NXPE2: variants seen among roughly 807,000 people sequenced by gnomAD.
NXPE2 encodes the protein neurexophilin and PC-esterase domain family member 2.
Under a neutral mutation model 34.4 loss-of-function variants are expected in NXPE2, and 34 were observed. The ratio of observed to expected loss-of-function variants is 0.99; its 90% confidence interval spans 0.75 to 1.31. The LOEUF (loss-of-function observed/expected upper bound fraction) is 1.31, where lower values mean the gene tolerates loss of function less well. Ranked by LOEUF, NXPE2 falls within the 40% of genes most tolerant of loss-of-function variation. The probability of loss-of-function intolerance (pLI) is 0.00; values close to 1 mark genes in which losing one functional copy is unlikely to be tolerated. For missense variants in NXPE2, 649 were observed against 672.5 expected, an observed-to-expected ratio of 0.97 and a Z score of 0.39; for synonymous variants, 235 against 231.3, an observed-to-expected ratio of 1.02 and a Z score of -0.15.
At chr11:114,786,357 C>CG in the NXPE2 span, among the ~76,000 whole-genome samples, 2 of 125,336 alleles carry the variant, frequency 1.6e-5, no homozygotes, top group African/African-American at 5.9e-5. Context: ...ATCTTTCTAC[C>CG]CCCGCCCCCC....
chr11:114,566,782 A>G, the NXPE2 span, among the ~76,000 whole-genome samples: 1 of 152,120 alleles, frequency 6.6e-6, no homozygotes, highest in African/African-American at 2.4e-5. Context: ...ACCCACATAT[A>G]TGTATTTAAA....
chr11:114,791,423 A>G, the NXPE2 span, among the ~76,000 whole-genome samples: 2 of 152,232 alleles, frequency 1.3e-5, no homozygotes, highest in African/African-American at 2.4e-5. Flanking sequence ...GTATTCCACC[A>G]CAGTTGTCTC....
At chr11:114,586,199 T>C in the NXPE2 span, among the ~76,000 whole-genome samples, 30 of 152,332 alleles carry the variant, frequency 2.0e-4, no homozygotes, top group African/African-American at 5.8e-4. Flanking sequence ...CCCCTGTCTC[T>C]ACAGAAGAGA....
the NXPE2 span, among the ~76,000 whole-genome samples, chr11:114,630,161 G>GA: frequency 1.6e-4 from 25 of 151,626 alleles, 2 homozygotes; most frequent in Admixed American, 1.4e-3. Flanking sequence ...CACAGAATTG[G>GA]AAAAAAACTA....
the NXPE2 span, among the ~76,000 whole-genome samples, chr11:114,672,572 A>G: frequency 1.3e-5 from 2 of 152,020 alleles, no homozygotes; most frequent in Admixed American, 6.6e-5. Flanking sequence ...TATACTGCCT[A>G]CAAGACACAT....
At chr11:114,641,041 A>G in the NXPE2 span, among the ~76,000 whole-genome samples, 1 of 151,826 alleles carries the variant, frequency 6.6e-6, no homozygotes, top group East Asian at 1.9e-4. Context: ...CAAAACAGAA[A>G]CAAGACATCA....
the NXPE2 span, among the ~76,000 whole-genome samples, chr11:114,464,353 T>C: frequency 1.3e-5 from 2 of 152,180 alleles, no homozygotes; most frequent in Non-Finnish European, 2.9e-5. Flanking sequence ...AATAAGAATT[T>C]GGCAAGTTAG....
the NXPE2 span, among the ~76,000 whole-genome samples, chr11:114,664,899 G>C: frequency 7.9e-5 from 12 of 152,260 alleles, no homozygotes; most frequent in Admixed American, 4.6e-4. Context: ...TTGCCCAGCT[G>C]TTGGCTAATG....
At chr11:114,486,195 C>T in the NXPE2 span, among the ~76,000 whole-genome samples, 1 of 152,126 alleles carries the variant, frequency 6.6e-6, no homozygotes, top group African/African-American at 2.4e-5. Context: ...TTTATTATAA[C>T]TGGGGTAAGG....
At chr11:114,649,586 A>T in the NXPE2 span, among the ~76,000 whole-genome samples, 4 of 152,314 alleles carry the variant, frequency 2.6e-5, no homozygotes, top group African/African-American at 9.6e-5. Context: ...TAGGTAAAAA[A>T]CATCTTGAGA....
the NXPE2 span, among the ~76,000 whole-genome samples, chr11:114,538,260 C>G: frequency 3.9e-5 from 6 of 152,192 alleles, no homozygotes; most frequent in Non-Finnish European, 8.8e-5. Flanking sequence ...CTTCCTTACA[C>G]CTTATACAAA....
the NXPE2 span, among the ~76,000 whole-genome samples, chr11:114,493,530 T>C: frequency 6.6e-6 from 1 of 152,216 alleles, no homozygotes; most frequent in African/African-American, 2.4e-5. Context: ...TAATATCTTA[T>C]AACCCATCAT....
At chr11:114,740,103 T>C in the NXPE2 span, among the ~76,000 whole-genome samples, 30 of 152,284 alleles carry the variant, frequency 2.0e-4, no homozygotes, top group Non-Finnish European at 4.0e-4. Context: ...AATTAGACCG[T>C]GTAAGAAATC....
the NXPE2 span, among the ~76,000 whole-genome samples, chr11:114,648,618 C>T: frequency 4.6e-5 from 7 of 152,152 alleles, no homozygotes; most frequent in East Asian, 1.9e-4. Flanking sequence ...AATTAATCAT[C>T]GTGTCTACAC....
At chr11:114,752,151 T>C in the NXPE2 span, among the ~76,000 whole-genome samples, 2 of 152,210 alleles carry the variant, frequency 1.3e-5, no homozygotes, top group Non-Finnish European at 2.9e-5. Flanking sequence ...AAAAGAACCA[T>C]GTGGATATTT....
At chr11:114,516,454 T>C in the NXPE2 span, among the ~76,000 whole-genome samples, 1 of 152,180 alleles carries the variant, frequency 6.6e-6, no homozygotes, top group East Asian at 1.9e-4. Flanking sequence ...TCCCAATTAA[T>C]AAAAACCTAC....
the NXPE2 span, chr11:114,584,018 G>A: frequency 2.9e-6 from 1 of 349,624 alleles, no homozygotes; most frequent in Admixed American, 3.3e-5. Flanking sequence ...CCTGTCTAGT[G>A]TGGTGATCTT....
chr11:114,597,914 C>T, the NXPE2 span, among the ~76,000 whole-genome samples: 128 of 152,244 alleles, frequency 8.4e-4, no homozygotes, highest in Admixed American at 1.8e-3. Flanking sequence ...TACAATCATG[C>T]CTTCCCAACA....
chr11:114,639,347 C>A, the NXPE2 span, among the ~76,000 whole-genome samples: 111 of 152,052 alleles, frequency 7.3e-4, no homozygotes, highest in African/African-American at 2.6e-3. Flanking sequence ...TGGGAGTGAC[C>A]CGATTTTCCA....
Sources: gnomAD v4.1 joint callset for allele counts (sites outside exome capture counted in the v4.1 genomes callset) on GRCh38, gnomAD v4.1.1 for gene constraint, MANE v1.5 for transcripts, NCBI Gene and HGNC (gene_info 2026-07-23, HGNC 2026-07-21) for gene names.